The following SAXO1 variants were observed in gnomAD, a reference collection of about 807,000 sequenced individuals.
SAXO1 encodes 4930500O09Rik.
SAXO1 carries 21 observed loss-of-function variants against 17.5 expected under a neutral mutation model. The observed-to-expected ratio is 1.20, with a 90% CI of 0.85 to 1.72. The LOEUF (loss-of-function observed/expected upper bound fraction) is 1.72, where lower values mean the gene tolerates loss of function less well. Ranked by LOEUF, SAXO1 falls within the 40% of genes most tolerant of loss-of-function variation. The pLI is 0.00. For synonymous variants in SAXO1, 274 were observed against 216.5 expected, an observed-to-expected ratio of 1.27 and a Z score of -2.33; for missense variants, 843 against 596.0, an observed-to-expected ratio of 1.41 and a Z score of -4.32.
chr9:18,978,135 T>C (rs1833227981), intron 1 of SAXO1, among the ~76,000 whole-genome samples: 1 of 152,134 alleles, frequency 6.6e-6, no homozygotes, highest in Non-Finnish European at 1.5e-5. Context: ...GGTCATGGTA[T>C]GTACTCAACT....
chr9:18,963,556 G>A lies in SAXO1; in HGVS notation c.39-12619C>T, dbSNP rs927543081. Among the ~76,000 whole-genome samples, 9 of 152,072 alleles carry A rather than the reference G, an allele frequency of 5.9e-5. No individual in the cohort carries two copies. In the East Asian group the frequency reaches 9.6e-4, roughly 16 times the overall value. On this transcript the variant is annotated intron_variant, in intron 1 of 3. Transcript: ENST00000380534. ...TATTCCTAGGTTTTTTATTCTCTTC[G>A]TAGCAATTGTGAATGGAAGTTCACT...
At chr9:19,006,998 T>C (rs953196341) in intron 1 of SAXO1, among the ~76,000 whole-genome samples, 1 of 151,242 alleles carries the variant, frequency 6.6e-6, no homozygotes, top group Non-Finnish European at 1.5e-5. Context: ...TGAGATGAGA[T>C]TGCACCACTG....
chr9:18,934,593 G>A (rs1347278175), intron 3 of SAXO1, among the ~76,000 whole-genome samples: 1 of 152,036 alleles, frequency 6.6e-6, no homozygotes, highest in East Asian at 1.9e-4. Flanking sequence ...ATGCTTTCCT[G>A]TTATTCTTTG....
intron 1 of SAXO1, among the ~76,000 whole-genome samples, chr9:18,957,919 A>T (rs1473885295): frequency 6.6e-6 from 1 of 152,182 alleles, no homozygotes; most frequent in Non-Finnish European, 1.5e-5. Context: ...TTAATTTATG[A>T]TATACCCAGA....
intron 1 of SAXO1, among the ~76,000 whole-genome samples, chr9:18,965,086 C>T (rs199509695): frequency 4.6e-5 from 7 of 152,114 alleles, no homozygotes; most frequent in East Asian, 1.9e-4. Flanking sequence ...TTCTTAATCC[C>T]GAGTTCTAAT....
intron 1 of SAXO1, among the ~76,000 whole-genome samples, chr9:19,011,571 C>A (rs372748073): frequency 6.6e-6 from 1 of 152,232 alleles, no homozygotes; most frequent in Non-Finnish European, 1.5e-5. Context: ...AACATCCTAT[C>A]GGCAAATTGG....
In SAXO1 at chr9:18,928,000, GTTGTCTGCT is replaced by G. The variant is rs1302349841; in HGVS notation, c.*43_*51del. 1.8e-5 allele frequency: 26 copies of G among 1,452,936 alleles called. No homozygotes were observed. Among genetic ancestry groups the G allele is most frequent in the Non-Finnish European group, 2.2e-5 (24 of 1,094,784 alleles). The allele number at this position is 1,452,936 out of a possible 1,614,324, so 90.0% of individuals were successfully genotyped here. A position where few individuals can be genotyped will look rare whatever the true frequency, so the allele number is the denominator to read the frequency against. On this transcript the variant is annotated 3_prime_UTR_variant, in exon 4 of 4. Coordinates refer to ENST00000380534, the MANE Select transcript of SAXO1 (RefSeq NM_153707.4). Reference sequence around the variant, plus strand: ...TTTTTTGTCCAACAAATAATTCTCAGTTGTCTGCTTTTAAAAGTACTGTGTAATTTCTAA... The same window carrying G: ...TTTTTTGTCCAACAAATAATTCTCAGTTTAAAAGTACTGTGTAATTTCTAA...
At chr9:18,952,897 T>A (rs1272049319) in intron 1 of SAXO1, among the ~76,000 whole-genome samples, 7 of 152,226 alleles carry the variant, frequency 4.6e-5, no homozygotes, top group African/African-American at 1.4e-4. Context: ...CTCCTAATTG[T>A]TGGCAAATAA....
At chr9:18,940,572 C>G (rs375787843) in intron 3 of SAXO1, among the ~76,000 whole-genome samples, 1 of 152,176 alleles carries the variant, frequency 6.6e-6, no homozygotes, top group Non-Finnish European at 1.5e-5. Flanking sequence ...CTTGGCTTGA[C>G]TAAATAAAAG....
chr9:18,982,026 A>G (rs752815956), intron 1 of SAXO1, among the ~76,000 whole-genome samples: 1 of 152,246 alleles, frequency 6.6e-6, no homozygotes, highest in East Asian at 1.9e-4. Context: ...ACCACGCCAG[A>G]GCGACCAGTA....
intron 3 of SAXO1, among the ~76,000 whole-genome samples, chr9:18,934,502 T>C (rs1480988529): frequency 1.3e-5 from 2 of 152,250 alleles, no homozygotes; most frequent in African/African-American, 4.8e-5. Flanking sequence ...TCCAGAGTTT[T>C]CATTTGCCTC....
At chr9:19,015,231 T>A (rs1563982537) in intron 1 of SAXO1, among the ~76,000 whole-genome samples, 1 of 152,226 alleles carries the variant, frequency 6.6e-6, no homozygotes, top group African/African-American at 2.4e-5. Context: ...AATGGCATGA[T>A]CATGGCTTAC....
chr9:18,930,989 C>T (rs760532592), intron 3 of SAXO1, among the ~76,000 whole-genome samples: 2 of 152,202 alleles, frequency 1.3e-5, no homozygotes, highest in Non-Finnish European at 2.9e-5. Flanking sequence ...TACACACCAA[C>T]ACTAGTGGAG....
chr9:19,027,268 T>C (rs1213812152), intron 1 of SAXO1: 1 of 993,212 alleles, frequency 1.0e-6, no homozygotes, highest in South Asian at 1.3e-5. Context: ...TTGGTGGATG[T>C]TGAAAAGCTA....
At chr9:18,939,892 T>A (rs1394470356) in intron 3 of SAXO1, among the ~76,000 whole-genome samples, 1 of 152,208 alleles carries the variant, frequency 6.6e-6, no homozygotes, top group African/African-American at 2.4e-5. Context: ...CAGATTGCCA[T>A]GTATAGAAGA....
At chr9:18,933,034 T>G (rs1646421724) in intron 3 of SAXO1, among the ~76,000 whole-genome samples, 1 of 152,224 alleles carries the variant, frequency 6.6e-6, no homozygotes, top group South Asian at 2.1e-4. Flanking sequence ...TTTCTTGCAT[T>G]ATTGCACTAG....
chr9:18,939,040 G>A (rs1938593389), intron 3 of SAXO1, among the ~76,000 whole-genome samples: 1 of 151,962 alleles, frequency 6.6e-6, no homozygotes, highest in South Asian at 2.1e-4. Context: ...CTGACAGGCA[G>A]GAGCTCTGAA....
intron 1 of SAXO1, among the ~76,000 whole-genome samples, chr9:19,025,271 T>C (rs111333743): frequency 1.2e-3 from 180 of 152,058 alleles, no homozygotes; most frequent in African/African-American, 4.0e-3. Flanking sequence ...GTTCTTTGTG[T>C]TTTTTTTCCT....
chr9:19,027,360 G>GTGC, intron 1 of SAXO1: 1 of 778,338 alleles, frequency 1.3e-6, no homozygotes, highest in Non-Finnish European at 2.4e-6. Flanking sequence ...CGCGGGTGAA[G>GTGC]GCCACAGAGG....
Sources: allele counts gnomAD v4.1 joint callset (sites outside exome capture counted in the v4.1 genomes callset), GRCh38; gene constraint gnomAD v4.1.1; transcripts MANE v1.5; gene names NCBI Gene and HGNC (gene_info 2026-07-23, HGNC 2026-07-21).